Variants in GCNT1 observed in about 807,000 individuals in gnomAD.
GCNT1 encodes beta-1,3-galactosyl-O-glycosyl-glycoprotein beta-1,6-N-acetylglucosaminyltransferase.
Under a neutral mutation model 26.2 loss-of-function variants are expected in GCNT1, and 16 were observed. The observed-to-expected ratio is 0.61, with a 90% CI of 0.41 to 0.93. GCNT1 has a LOEUF of 0.93. Among genes scored for constraint, GCNT1 ranks in the 40% least tolerant of loss-of-function variants. GCNT1 has a pLI of 0.00. For synonymous variants in GCNT1, 183 were observed against 190.8 expected, an observed-to-expected ratio of 0.96 and a Z score of 0.34; for missense variants, 477 against 526.7, an observed-to-expected ratio of 0.91 and a Z score of 0.92.
At chr9:76,399,448 A>G in the GCNT1 span, 12 of 1,561,016 alleles carry the variant, frequency 7.7e-6, no homozygotes, top group Non-Finnish European at 6.1e-6. Flanking sequence ...ACTGGTCTGA[A>G]GGTGTACAGG....
chr9:76,442,526 C>T (rs1823496918), intron 1 of GCNT1, among the ~76,000 whole-genome samples: 1 of 151,984 alleles, frequency 6.6e-6, no homozygotes, highest in Admixed American at 6.6e-5. Context: ...ACTAAAAATA[C>T]AAAAATTAGC....
rs557964609 is a variant in GCNT1 at position 76,477,040 on chromosome 9, G to A, written c.-290+16863G>A. On this transcript the variant is annotated intron_variant, in intron 2 of 3. Transcript: ENST00000376730. ...AGCGAGTCTCGTGCCTCAGCGTCCC[G>A]AGTAGCTGAGATTGCAGGTGTGCAC... is the stretch of plus-strand genomic sequence containing the variant. 3.4e-4 allele frequency among the ~76,000 whole-genome samples: 51 copies of A among 151,956 alleles called. 1 individual carries two copies. The South Asian group carries it at 7.3e-3, about 22-fold the overall frequency.
the GCNT1 span, among the ~76,000 whole-genome samples, chr9:76,408,590 T>A: frequency 6.6e-6 from 1 of 152,206 alleles, no homozygotes; most frequent in Non-Finnish European, 1.5e-5. Context: ...GAGATACTGG[T>A]CTGTAGTTTT....
intron 2 of GCNT1, among the ~76,000 whole-genome samples, chr9:76,469,457 AC>A (rs1163927764): frequency 2.0e-5 from 3 of 152,190 alleles, no homozygotes; most frequent in Non-Finnish European, 2.9e-5. Flanking sequence ...AATGATCAGG[AC>A]ATAAACCCAG....
chr9:76,462,460 GCTGTC>G (rs1262004031), intron 2 of GCNT1, among the ~76,000 whole-genome samples: 7 of 152,258 alleles, frequency 4.6e-5, no homozygotes, highest in African/African-American at 1.4e-4. Context: ...TGTTGTGGGG[GCTGTC>G]CTGTGCATTG....
chr9:76,453,651 A>C (rs929769274), intron 1 of GCNT1, among the ~76,000 whole-genome samples: 1 of 152,224 alleles, frequency 6.6e-6, no homozygotes, highest in African/African-American at 2.4e-5. Flanking sequence ...AACAATCCCC[A>C]GGTCGAGGAG....
At position 76,503,227 on chromosome 9, in the gene GCNT1, CTT is replaced by C. The variant is rs1825135593; in HGVS notation, c.849_850del (p.Ser284TrpfsTer9). 6.2e-7 allele frequency: 1 copy of C among 1,614,056 alleles called. No homozygotes were observed. Among genetic ancestry groups the C allele is most frequent in the South Asian group, 1.1e-5 (1 of 91,086 alleles). ...KMLPPLETPL[F>X]SGSAYFVVSR... ...TGCTTCCTCCACTCGAAACACCTCT[CTT>C]TTCTGGCAGTGCCTACTTCGTGGTC... On this transcript the variant is annotated frameshift_variant, in exon 4 of 4. Transcript: ENST00000376730. LOFTEE classifies it high-confidence loss of function.
At chr9:76,454,463 G>A (rs1473058738), upstream of GCNT1, among the ~76,000 whole-genome samples, 1 of 149,226 alleles carries the variant, frequency 6.7e-6, no homozygotes, top group African/African-American at 2.5e-5. Context: ...TCAGGCAACT[G>A]ATCAGGACAG....
chr9:76,397,532 C>G, the GCNT1 span, among the ~76,000 whole-genome samples: 1 of 151,518 alleles, frequency 6.6e-6, no homozygotes, highest in Non-Finnish European at 1.5e-5. Flanking sequence ...CAACCTCCAC[C>G]TCCCGGGCTC....
rs192278646 is a variant in GCNT1 at position 76,429,360 on chromosome 9, C to T, written n.38+9473C>T. 5.3e-5 allele frequency among the ~76,000 whole-genome samples: 8 copies of T among 152,268 alleles called. No individual in the cohort carries two copies. The East Asian group carries it at 1.5e-3, about 29-fold the overall frequency. On this transcript the variant is annotated intron_variant and non_coding_transcript_variant, in intron 1 of 3. Transcript: ENST00000488136. ...TTGCTGAGGCATTGAGTATATGCAT[C>T]TTTAACTACACTAGATATTGCCTCA...
At chr9:76,451,967 GTT>G in intron 1 of GCNT1, among the ~76,000 whole-genome samples, 1 of 72,412 alleles carries the variant, frequency 1.4e-5, no homozygotes, top group East Asian at 4.8e-4. Context: ...TTTTTTTTTT[GTT>G]GTTGTTGTTG....
At chr9:76,498,198 C>T (rs1383956808) in intron 2 of GCNT1, among the ~76,000 whole-genome samples, 13 of 152,040 alleles carry the variant, frequency 8.6e-5, no homozygotes, top group Admixed American at 8.5e-4. Context: ...ATGGATATAC[C>T]ATATTTTGTT....
upstream of GCNT1, among the ~76,000 whole-genome samples, chr9:76,418,092 AGGTATACATT>A (rs1469319305): frequency 5.3e-5 from 8 of 152,084 alleles, no homozygotes; most frequent in Non-Finnish European, 2.9e-5. Context: ...AATACACGTA[AGGTATACATT>A]GGTTCAGTCC....
the GCNT1 span, among the ~76,000 whole-genome samples, chr9:76,397,564 C>T: frequency 4.6e-5 from 7 of 151,972 alleles, no homozygotes; most frequent in Non-Finnish European, 1.0e-4. Flanking sequence ...CTGCCTCAGC[C>T]TCCCGAGTAG....
chr9:76,419,622 C>T (rs1034678475), upstream of GCNT1, among the ~76,000 whole-genome samples: 5 of 152,024 alleles, frequency 3.3e-5, no homozygotes, highest in African/African-American at 9.7e-5. Context: ...CATGCGACTA[C>T]ACTCCAGCCT....
chr9:76,420,784 A>T (rs543759353), intron 1 of GCNT1, among the ~76,000 whole-genome samples: 24 of 152,012 alleles, frequency 1.6e-4, no homozygotes, highest in Non-Finnish European at 2.2e-4. Flanking sequence ...AAATAATTTT[A>T]AAAAAATAGC....
intron 1 of GCNT1, among the ~76,000 whole-genome samples, chr9:76,430,626 TC>T (rs1467261535): frequency 6.6e-6 from 1 of 152,092 alleles, no homozygotes; most frequent in Non-Finnish European, 1.5e-5. Flanking sequence ...GCTCAAGCCA[TC>T]CTCCTTCCTT....
At chr9:76,483,058 T>A (rs1200813877) in intron 2 of GCNT1, among the ~76,000 whole-genome samples, 3 of 152,170 alleles carry the variant, frequency 2.0e-5, no homozygotes, top group Admixed American at 2.0e-4. Flanking sequence ...TGTCTAATAT[T>A]TGTATTACAA....
intron 1 of GCNT1, among the ~76,000 whole-genome samples, chr9:76,423,673 A>G (rs1389078086): frequency 6.6e-6 from 1 of 152,254 alleles, no homozygotes; most frequent in Non-Finnish European, 1.5e-5. Context: ...AGAAAGGAAC[A>G]GATGATGTTA....
Sources: allele counts gnomAD v4.1 joint callset (sites outside exome capture counted in the v4.1 genomes callset), GRCh38; gene constraint gnomAD v4.1.1; transcripts MANE v1.5; gene names NCBI Gene and HGNC (gene_info 2026-07-23, HGNC 2026-07-21).